The following FANCB variants were observed in gnomAD, a reference collection of about 807,000 sequenced individuals.
FANCB encodes Fanconi anemia group B protein.
Under a neutral mutation model 38.9 loss-of-function variants are expected in FANCB, and 5 were observed. That is an observed-to-expected ratio of 0.13 (90% CI 0.07 to 0.27). The LOEUF (loss-of-function observed/expected upper bound fraction) is 0.27, where lower values mean the gene tolerates loss of function less well. Among genes scored for constraint, FANCB ranks in the 10% least tolerant of loss-of-function variants. The pLI is 1.00. For synonymous variants in FANCB, 236 were observed against 215.4 expected (o/e 1.10, Z -0.84); for missense variants, 573 against 602.7 (o/e 0.95, Z 0.52).
chrX:14,824,748 T>C, the FANCB span, among the ~76,000 whole-genome samples: 1 of 112,339 alleles, frequency 8.9e-6, no homozygotes, highest in Non-Finnish European at 1.9e-5. Flanking sequence ...TGTCCTAAAT[T>C]CTTTTTGAGT....
At position 14,844,731 on chromosome X, in the gene FANCB, T is replaced by C; in HGVS notation, c.1937A>G (p.Glu646Gly). The C allele has an allele frequency of 1.7e-6, 2 of 1,203,480 alleles. No homozygotes were observed. ...TGCTGCAAGAAGTGCAAAAAGATCT[T>C]CCATGTGCTCTACAAAAAAAGTCAC... Reference protein sequence around the residue: ...FPKKKPIEHMEDLFALLAAFH... With the variant: ...FPKKKPIEHMGDLFALLAAFH... The change falls in exon 9 of 10, where the codon GAA (glutamate) becomes GGA (glycine). Residue 646 changes from glutamate to glycine, a missense_variant. Physicochemically the swap from Glu to Gly is moderately conservative, Grantham distance 98 (BLOSUM62 -2). Coordinates refer to ENST00000650831, the MANE Select transcript of FANCB (RefSeq NM_001018113.3).
At chrX:14,835,079 C>CA (rs1227393902), downstream of FANCB, 1 of 554,861 alleles carries the variant, frequency 1.8e-6, no homozygotes, top group Non-Finnish European at 3.2e-6. Flanking sequence ...GCTGTACAGA[C>CA]ATTTTCAAAG....
the FANCB span, among the ~76,000 whole-genome samples, chrX:14,771,860 C>G: frequency 9.0e-6 from 1 of 111,430 alleles, no homozygotes. Context: ...TTGTTGTTTT[C>G]TGTTTGTGCA....
chrX:14,691,334 C>T, the FANCB span, among the ~76,000 whole-genome samples: 3 of 92,829 alleles, frequency 3.2e-5, no homozygotes, highest in Admixed American at 1.2e-4. Context: ...TGCGCGCGTG[C>T]GTGCGTGTAC....
At chrX:14,836,113 A>G (rs1026421111) in exon 11 of FANCB, 1 of 112,289 alleles carries the variant, frequency 8.9e-6, no homozygotes, top group Non-Finnish European at 1.9e-5. Flanking sequence ...ATAGTGTCAC[A>G]AGCTATGACA....
chrX:14,747,663 T>C, the FANCB span, among the ~76,000 whole-genome samples: 1 of 112,281 alleles, frequency 8.9e-6, no homozygotes, highest in East Asian at 2.8e-4. Context: ...CAGAGGGGAT[T>C]TGTGGCTAGG....
At chrX:14,829,280 G>A in the FANCB span, among the ~76,000 whole-genome samples, 6 of 111,491 alleles carry the variant, frequency 5.4e-5, no homozygotes, top group African/African-American at 2.0e-4. Flanking sequence ...AAGATGTGCT[G>A]TCACCCAGGC....
downstream of FANCB, among the ~76,000 whole-genome samples, chrX:14,840,820 T>C (rs1398957851): frequency 8.9e-6 from 1 of 111,735 alleles, no homozygotes; most frequent in African/African-American, 3.3e-5. Context: ...ACAGGTACGG[T>C]TGTCCAGCAT....
chrX:14,865,064 T>A lies in FANCB; in HGVS notation c.447A>T (p.Ala149=). 1 of 1,210,118 alleles carries A rather than the reference T, an allele frequency of 8.3e-7. No individual in the cohort carries two copies. The highest frequency in any genetic ancestry group is 1.1e-6 in the Non-Finnish European group (1 of 894,650). Residue 149 remains alanine (A), a synonymous_variant, in exon 3 of 10, where the codon GCA becomes GCT. Transcript: ENST00000650831. The part of the protein sequence containing the change: ...GPLILWRHVK[A]FFFISSQTGK... ...CAGTTTGAGAAGAGATAAAGAAGAA[T>A]GCTTTGACATGCCTCCATAAAATTA...
chrX:14,854,859 A>C (rs919829774), intron 5 of FANCB, among the ~76,000 whole-genome samples: 23 of 111,785 alleles, frequency 2.1e-4, no homozygotes, highest in African/African-American at 6.8e-4. Flanking sequence ...TGGCCTTTTA[A>C]GATAATTTCC....
intron 5 of FANCB, among the ~76,000 whole-genome samples, chrX:14,856,688 C>A (rs371226772): frequency 1.4e-4 from 16 of 111,140 alleles, no homozygotes; most frequent in South Asian, 7.4e-4. Flanking sequence ...CAACCCTAGG[C>A]AAAGAAGAAA....
At chrX:14,721,933 T>C in the FANCB span, among the ~76,000 whole-genome samples, 6 of 111,753 alleles carry the variant, frequency 5.4e-5, no homozygotes, top group African/African-American at 2.0e-4. Context: ...TGGTAAACTT[T>C]TCCCCATCCT....
chrX:14,779,599 A>G, the FANCB span, among the ~76,000 whole-genome samples: 1 of 112,188 alleles, frequency 8.9e-6, no homozygotes, highest in Admixed American at 9.4e-5. Flanking sequence ...ACCAAATGCC[A>G]GTGCCTTAAT....
rs1317998053 is a variant in FANCB, at chrX:14,844,998, G to C, written c.1785C>G (p.Cys595Trp). Residue 595 changes from cysteine to tryptophan, a missense_variant, in exon 8 of 10, where the codon TGC becomes TGG. By Grantham distance (215) the Cys-to-Trp change is radical. Coordinates refer to ENST00000650831, the MANE Select transcript of FANCB (RefSeq NM_001018113.3). Reference sequence around the variant, plus strand: ...TCTCCATAATTTGTAGCAGTACAGTGCAACAAAATTTACTGAATGTTAAAA... The same window carrying C: ...TCTCCATAATTTGTAGCAGTACAGTCCAACAAAATTTACTGAATGTTAAAA... Reference protein sequence around the residue: ...SPLLTFSKFCCTVLLQIMERE... With the variant: ...SPLLTFSKFCWTVLLQIMERE... 2 of 1,209,041 alleles carry C rather than the reference G, an allele frequency of 1.7e-6. No individual in the cohort carries two copies. Among genetic ancestry groups the C allele is most frequent in the Middle Eastern group, 4.6e-4 (2 of 4,346 alleles).
chrX:14,797,913 T>C, the FANCB span, among the ~76,000 whole-genome samples: 1 of 110,590 alleles, frequency 9.0e-6, no homozygotes, highest in Non-Finnish European at 1.9e-5. Context: ...GTGATTCTAA[T>C]GGGTAGCCAA....
chrX:14,843,714 G>A lies in FANCB; in HGVS notation c.2433C>T (p.Pro811=). ...TTTCTCTCTGAAGTTCTTTTCTGTA[G>A]GGATGGATATTTTCCCTTCTGTCTG... ...ALSDRRENIH[P]YRKELQREKK... Residue 811 remains proline, a synonymous_variant, in exon 10 of 10, where the codon CCC becomes CCT. Coordinates refer to ENST00000650831, the MANE Select transcript of FANCB (RefSeq NM_001018113.3). 8.3e-7 allele frequency: 1 copy of A among 1,210,997 alleles called. No homozygotes were observed. The highest frequency in any genetic ancestry group is 1.1e-6 in the Non-Finnish European group (1 of 895,116).
At chrX:14,764,133 G>T in the FANCB span, among the ~76,000 whole-genome samples, 1 of 111,493 alleles carries the variant, frequency 9.0e-6, no homozygotes, top group East Asian at 2.8e-4. Context: ...AGATTAGCTG[G>T]GTCCTCTGTT....
chrX:14,781,573 T>G, the FANCB span, among the ~76,000 whole-genome samples: 17 of 111,781 alleles, frequency 1.5e-4, no homozygotes, highest in African/African-American at 4.2e-4. Flanking sequence ...CACTTCAGGT[T>G]CCCCCACCTG....
chrX:14,703,101 G>A, the FANCB span, among the ~76,000 whole-genome samples: 11 of 111,750 alleles, frequency 9.8e-5, no homozygotes, highest in African/African-American at 3.6e-4. Context: ...GGGTCTAGAT[G>A]GCTAAAAATC....
Sources: allele counts gnomAD v4.1 joint callset (sites outside exome capture counted in the v4.1 genomes callset), GRCh38; gene constraint gnomAD v4.1.1; transcripts MANE v1.5; gene names NCBI Gene and HGNC (gene_info 2026-07-23, HGNC 2026-07-21).